SHOC1: variants seen among roughly 807,000 people sequenced by gnomAD.
The protein encoded by SHOC1 is protein shortage in chiasmata 1 ortholog.
In SHOC1, 136 loss-of-function variants were observed where a neutral mutation model predicts 179.2. The observed-to-expected ratio is 0.76, with a 90% CI of 0.66 to 0.87. The LOEUF (loss-of-function observed/expected upper bound fraction) is 0.87. Ranked by LOEUF, SHOC1 falls within the 40% of genes least tolerant of loss-of-function variation. The probability of loss-of-function intolerance (pLI) is 0.00; values close to 1 mark genes in which losing one functional copy is unlikely to be tolerated. For missense variants in SHOC1, 1,538 were observed against 1,700.8 expected, an observed-to-expected ratio of 0.90 and a Z score of 1.68; for synonymous variants, 489 against 586.6, an observed-to-expected ratio of 0.83 and a Z score of 2.41.
At position 111,758,827 on chromosome 9, in the gene SHOC1, C is replaced by A; in HGVS notation, c.464G>T (p.Gly155Val). 1 of 1,526,726 alleles carries A rather than the reference C, an allele frequency of 6.5e-7. No individual in the cohort carries two copies. The highest frequency in any genetic ancestry group is 1.2e-5 in the South Asian group (1 of 82,690). The allele number at this position is 1,526,726 out of a possible 1,614,324, so 94.6% of individuals were successfully genotyped here. A position where few individuals can be genotyped will look rare whatever the true frequency, so the allele number is the denominator to read the frequency against. ...QNQDLFIDDK[G>V]ILFVSSRKHL... The stretch of plus-strand genomic sequence containing the variant: ...TTTTCTACTACTTACAAAAAGTATT[C>A]CTTTATCATCAATAAATAAATCTGA... Residue 155 changes from glycine (G) to valine (V), a missense_variant, in exon 6 of 28, where the codon GGA (glycine) becomes GTA (valine). Physicochemically the swap from Gly to Val is moderately radical, Grantham distance 109 (BLOSUM62 -3). Coordinates refer to ENST00000682961, the MANE Select transcript of SHOC1 (RefSeq NM_001378211.1).
At chr9:111,772,793 G>A (rs1011949160) in intron 5 of SHOC1, among the ~76,000 whole-genome samples, 5 of 152,158 alleles carry the variant, frequency 3.3e-5, no homozygotes, top group East Asian at 1.9e-4. Context: ...CTGAGTTACC[G>A]AGCAGAGTTT....
At chr9:111,771,949 T>G (rs1298325830) in intron 5 of SHOC1, among the ~76,000 whole-genome samples, 1 of 152,192 alleles carries the variant, frequency 6.6e-6, no homozygotes, top group Non-Finnish European at 1.5e-5. Context: ...TGGAGATTTA[T>G]ATCTTTCTCA....
intron 5 of SHOC1, chr9:111,759,282 C>G (rs1458477114): frequency 6.2e-7 from 1 of 1,612,982 alleles, no homozygotes; most frequent in Admixed American, 1.7e-5. Flanking sequence ...CCCAGAGTCT[C>G]TGACATGTAG....
At chr9:111,743,556 C>A (rs1834133957) in intron 10 of SHOC1, among the ~76,000 whole-genome samples, 3 of 152,182 alleles carry the variant, frequency 2.0e-5, no homozygotes, top group Admixed American at 1.3e-4. Flanking sequence ...TGCAGAATCA[C>A]AGTGCTTGTG....
At chr9:111,693,998 C>A in intron 25 of SHOC1, 50 bp from the exon 26 acceptor site, 4 of 1,434,266 alleles carry the variant, frequency 2.8e-6, no homozygotes, top group South Asian at 1.2e-5. Flanking sequence ...TGAAAGTGAG[C>A]CATTTTATTC....
At chr9:111,733,633 C>T (rs1188953735) in intron 12 of SHOC1, among the ~76,000 whole-genome samples, 1 of 152,088 alleles carries the variant, frequency 6.6e-6, no homozygotes, top group Non-Finnish European at 1.5e-5. Flanking sequence ...TTTGGGATGC[C>T]AAGGCGGGCG....
chr9:111,703,541 T>G (rs1348289196), intron 22 of SHOC1, among the ~76,000 whole-genome samples: 1 of 152,204 alleles, frequency 6.6e-6, no homozygotes, highest in East Asian at 1.9e-4. Context: ...AATCATCAAT[T>G]AATACACTAT....
At chr9:111,716,138 C>A (rs955290940) in intron 16 of SHOC1, among the ~76,000 whole-genome samples, 2 of 152,166 alleles carry the variant, frequency 1.3e-5, no homozygotes, top group East Asian at 3.9e-4. Context: ...TGGCTGGATA[C>A]CTGGAGATTA....
At chr9:111,742,536 C>G (rs1480827083) in intron 10 of SHOC1, among the ~76,000 whole-genome samples, 2 of 152,064 alleles carry the variant, frequency 1.3e-5, no homozygotes, top group African/African-American at 4.8e-5. Flanking sequence ...TAAATTACAG[C>G]TCATCTGTAG....
chr9:111,740,686 C>T (rs1440564049), intron 11 of SHOC1, among the ~76,000 whole-genome samples: 1 of 152,170 alleles, frequency 6.6e-6, no homozygotes, highest in Non-Finnish European at 1.5e-5. Flanking sequence ...ATTCTCCTGC[C>T]TCAGCCTCCA....
At chr9:111,766,904 G>A (rs1053690697) in intron 5 of SHOC1, among the ~76,000 whole-genome samples, 1 of 152,170 alleles carries the variant, frequency 6.6e-6, no homozygotes, top group Non-Finnish European at 1.5e-5. Flanking sequence ...GAGCCACCAC[G>A]CCTGGCCAGC....
At chr9:111,689,471 G>A (rs751636790) in intron 27 of SHOC1, among the ~76,000 whole-genome samples, 7 of 151,654 alleles carry the variant, frequency 4.6e-5, no homozygotes, top group Non-Finnish European at 7.4e-5. Flanking sequence ...CGGGACAAAT[G>A]GAAAATTATC....
intron 7 of SHOC1, among the ~76,000 whole-genome samples, chr9:111,757,115 G>T (rs7025984): frequency 0.8 from 122,222 of 152,078 alleles, 49,266 homozygotes; most frequent in East Asian, 0.92. Flanking sequence ...TGTTTTTTGT[G>T]TTTTGTTTTT....
At chr9:111,792,178 C>A (rs184948197) in intron 1 of SHOC1, among the ~76,000 whole-genome samples, 39 of 152,106 alleles carry the variant, frequency 2.6e-4, no homozygotes, top group African/African-American at 8.7e-4. Context: ...CTTAACTAGT[C>A]CGGGATGGTT....
intron 10 of SHOC1, 135 bp from the exon 11 acceptor site, chr9:111,741,705 C>T (rs1834049648): frequency 2.5e-6 from 1 of 397,984 alleles, no homozygotes; most frequent in Non-Finnish European, 4.4e-6. Context: ...ACTATCTTGG[C>T]TCACTGCAAC....
intron 18 of SHOC1, 89 bp from the exon 19 acceptor site, chr9:111,708,013 T>G (rs1036925295): frequency 1.5e-6 from 1 of 681,232 alleles, no homozygotes; most frequent in Non-Finnish European, 2.4e-6. Context: ...AAAAATGAAT[T>G]AAAAATCTGT....
chr9:111,688,615 C>A (rs899322717), intron 27 of SHOC1, among the ~76,000 whole-genome samples: 1 of 151,896 alleles, frequency 6.6e-6, no homozygotes, highest in African/African-American at 2.4e-5. Context: ...GATAACAATG[C>A]AGTTGTCAGA....
chr9:111,742,573 GA>G (rs1227799575), intron 10 of SHOC1, among the ~76,000 whole-genome samples: 1 of 152,144 alleles, frequency 6.6e-6, no homozygotes, highest in Non-Finnish European at 1.5e-5. Flanking sequence ...CTTCGTAGGG[GA>G]AAGACTATTA....
At chr9:111,753,484 C>T (rs1834697843) in intron 8 of SHOC1, among the ~76,000 whole-genome samples, 1 of 151,816 alleles carries the variant, frequency 6.6e-6, no homozygotes, top group African/African-American at 2.4e-5. Flanking sequence ...TATACCATAT[C>T]AAAAGGATAA....
Sources: gnomAD v4.1 joint callset for allele counts (sites outside exome capture counted in the v4.1 genomes callset) on GRCh38, gnomAD v4.1.1 for gene constraint, MANE v1.5 for transcripts, NCBI Gene and HGNC (gene_info 2026-07-23, HGNC 2026-07-21) for gene names.